CELF2: variants seen among roughly 807,000 people sequenced by gnomAD.
CELF2 encodes CUG triplet repeat RNA-binding protein 2.
In CELF2, 8 loss-of-function variants were observed where a neutral mutation model predicts 62.6. The ratio of observed to expected loss-of-function variants is 0.13; its 90% confidence interval spans 0.07 to 0.23. CELF2 has a LOEUF of 0.23. Among genes scored for constraint, CELF2 ranks in the 10% least tolerant of loss-of-function variants. The pLI is 1.00. For synonymous variants in CELF2, 258 were observed against 250.0 expected (o/e 1.03, Z -0.30); for missense variants, 333 against 671.0 (o/e 0.50, Z 5.56).
At chr10:11,310,218 G>A (rs1040678716) in intron 9 of CELF2, among the ~76,000 whole-genome samples, 2 of 152,220 alleles carry the variant, frequency 1.3e-5, no homozygotes, top group African/African-American at 4.8e-5. Context: ...TGGGAGCTGT[G>A]AATTGTCAAT....
chr10:10,807,567 T>C (rs1332803483), intron 1 of CELF2, among the ~76,000 whole-genome samples: 4 of 152,214 alleles, frequency 2.6e-5, no homozygotes, highest in African/African-American at 9.6e-5. Context: ...AAATTCTGAA[T>C]TCTGAAGAGA....
chr10:10,515,595 T>C, the CELF2 span, among the ~76,000 whole-genome samples: 4 of 152,222 alleles, frequency 2.6e-5, no homozygotes, highest in Non-Finnish European at 5.9e-5. Context: ...GACTCACTGA[T>C]ACTCTGTTAT....
At chr10:10,805,542 G>T (rs1024595432) in intron 1 of CELF2, among the ~76,000 whole-genome samples, 3 of 152,128 alleles carry the variant, frequency 2.0e-5, no homozygotes, top group African/African-American at 7.2e-5. Context: ...TTTACGAGGC[G>T]GGCACTTGAA....
intron 2 of CELF2, among the ~76,000 whole-genome samples, chr10:10,959,551 G>C (rs1045633811): frequency 3.3e-5 from 5 of 152,132 alleles, no homozygotes; most frequent in Admixed American, 6.5e-5. Context: ...GTTTCAACTG[G>C]GTGACTTGTC....
At chr10:11,149,429 C>G (rs1168758029) in intron 1 of CELF2, among the ~76,000 whole-genome samples, 2 of 152,158 alleles carry the variant, frequency 1.3e-5, no homozygotes, top group East Asian at 1.9e-4. Context: ...GTTTTATTTC[C>G]CACATAGCTG....
chr10:10,496,150 G>A, the CELF2 span, among the ~76,000 whole-genome samples: 28 of 152,286 alleles, frequency 1.8e-4, no homozygotes, highest in Admixed American at 1.2e-3. Flanking sequence ...GCCTAAAGCC[G>A]TGCAGGTCTT....
intron 2 of CELF2, among the ~76,000 whole-genome samples, chr10:11,166,194 C>T (rs1415287993): frequency 6.6e-6 from 1 of 152,222 alleles, no homozygotes; most frequent in East Asian, 1.9e-4. Flanking sequence ...GAAGAAGGGA[C>T]ACCCATTCCT....
intron 2 of CELF2, among the ~76,000 whole-genome samples, chr10:10,992,695 A>T (rs1430066617): frequency 6.6e-6 from 1 of 152,216 alleles, no homozygotes; most frequent in Non-Finnish European, 1.5e-5. Context: ...GATGATGGAT[A>T]TATAGGTAGG....
At chr10:10,690,752 C>T in the CELF2 span, among the ~76,000 whole-genome samples, 30 of 152,134 alleles carry the variant, frequency 2.0e-4, 1 homozygote, top group Middle Eastern at 6.8e-3. Context: ...TGGTGATGCA[C>T]GCCTATAATA....
intron 1 of CELF2, among the ~76,000 whole-genome samples, chr10:11,105,667 T>C (rs2053212414): frequency 6.6e-6 from 1 of 152,222 alleles, no homozygotes; most frequent in Admixed American, 6.5e-5. Flanking sequence ...GTAAATGTTC[T>C]CCTCATCTTG....
the CELF2 span, among the ~76,000 whole-genome samples, chr10:10,551,932 T>C: frequency 6.6e-6 from 1 of 151,606 alleles, no homozygotes; most frequent in Non-Finnish European, 1.5e-5. Flanking sequence ...ACTACAAAGC[T>C]CTGTAATTTT....
At position 10,938,090 on chromosome 10, in the gene CELF2, A is replaced by AAG. The variant is rs2046622355; in HGVS notation, c.89+18097_89+18098dup. 6.6e-6 allele frequency among the ~76,000 whole-genome samples: 1 copy of AAG among 152,238 alleles called. No individual in the cohort carries two copies. Among genetic ancestry groups the AAG allele is most frequent in the African/African-American group, 2.4e-5 (1 of 41,464 alleles). ...ATAGAAATCTAATTTGGAATAACTCAAGAGAGATAGAGGGGAGATGGGTAA... is the reference window on the plus strand; with the variant it reads ...ATAGAAATCTAATTTGGAATAACTCAAGAGAGAGATAGAGGGGAGATGGGTAA... On this transcript the variant is annotated intron_variant, in intron 2 of 13. Transcript: ENST00000636488. This position sits in a 1 kb window ranked among gnomAD's most constrained non-coding sequence, Gnocchi z 4.2.
In CELF2 at chr10:11,244,152, C is replaced by A. The variant is rs549978785; in HGVS notation, c.355-5001C>A. Among the ~76,000 whole-genome samples, 1 of 152,220 alleles carries A rather than the reference C, an allele frequency of 6.6e-6. No homozygotes were observed. ...AGCAGTTGAGAAGCAACAGTTCTGA[C>A]CCCACTCATTTCATCATTAGCTCTT... On this transcript the variant is annotated intron_variant, in intron 3 of 12. Transcript: ENST00000633077. The surrounding 1 kb of genome is among the most constrained non-coding windows in gnomAD (Gnocchi z 4.2).
chr10:10,637,116 C>T, the CELF2 span, among the ~76,000 whole-genome samples: 3 of 152,136 alleles, frequency 2.0e-5, no homozygotes, highest in Non-Finnish European at 4.4e-5. Context: ...GACCAGTCTT[C>T]CAACCCAGCT....
intron 2 of CELF2, among the ~76,000 whole-genome samples, chr10:10,943,942 T>G (rs987938552): frequency 2.0e-5 from 3 of 152,082 alleles, no homozygotes; most frequent in Admixed American, 2.0e-4. Flanking sequence ...CTTGACCATG[T>G]GAGGGTGGAC....
intron 3 of CELF2, 80 bp from the exon 4 acceptor site, chr10:11,249,073 T>G (rs924265812): frequency 5.5e-6 from 6 of 1,089,054 alleles, no homozygotes; most frequent in Non-Finnish European, 8.5e-6. Context: ...ACAGTATCAG[T>G]AATCGAATTG....
intron 1 of CELF2, among the ~76,000 whole-genome samples, chr10:11,113,103 G>T (rs1442727260): frequency 1.3e-5 from 2 of 152,234 alleles, no homozygotes; most frequent in Non-Finnish European, 2.9e-5. Context: ...GAAAGCCAAT[G>T]AACAGGGAAA....
At chr10:10,583,506 C>G in the CELF2 span, among the ~76,000 whole-genome samples, 1 of 152,140 alleles carries the variant, frequency 6.6e-6, no homozygotes, top group Admixed American at 6.5e-5. Flanking sequence ...ATCTATGGGT[C>G]CTCTAGGGTT....
chr10:10,736,003 A>G, the CELF2 span, among the ~76,000 whole-genome samples: 33,856 of 152,136 alleles, frequency 0.22, 4,040 homozygotes, highest in Non-Finnish European at 0.26. Context: ...ATGAATTTGG[A>G]TAAGTCACCA....
Sources: allele counts gnomAD v4.1 joint callset (sites outside exome capture counted in the v4.1 genomes callset), GRCh38; gene constraint gnomAD v4.1.1; non-coding constraint Gnocchi (gnomAD v3.1); transcripts MANE v1.5; gene names NCBI Gene and HGNC (gene_info 2026-07-23, HGNC 2026-07-21).